The following SLC22A25 variants were observed in gnomAD, a reference collection of about 807,000 sequenced individuals.
SLC22A25 encodes the protein MGI:2442751, MGI:2385316, MGI:3042283, MGI:3645714, MGI:3605624, MGI:2442750.
SLC22A25 carries 44 observed loss-of-function variants against 45.9 expected under a neutral mutation model. The observed-to-expected ratio is 0.96, with a 90% CI of 0.75 to 1.23. The LOEUF (loss-of-function observed/expected upper bound fraction) is 1.23. SLC22A25 is among the 50% of genes most tolerant of loss of function. SLC22A25 has a pLI of 0.00. For synonymous variants in SLC22A25, 283 were observed against 238.6 expected (o/e 1.19, Z -1.72); for missense variants, 800 against 666.4 (o/e 1.20, Z -2.21).
Position 63,225,608 on chromosome 11 carries a change from T to C in SLC22A25, c.506+2853A>G, listed in dbSNP as rs78577430. On this transcript the variant is annotated intron_variant, in intron 5 of 11. Coordinates refer to ENST00000306494, the MANE Select transcript of SLC22A25 (RefSeq NM_199352.6). ...TTGGATTATTAATACCTTGAGGTAG[T>C]CTTCTTTGGGTTAAATCTGCTTGAT... 5.4e-3 allele frequency among the ~76,000 whole-genome samples: 824 copies of C among 152,282 alleles called. 9 individuals are homozygous for C. Among genetic ancestry groups the C allele is most frequent in the African/African-American group, 0.019 (783 of 41,566 alleles).
intron 9 of SLC22A25, among the ~76,000 whole-genome samples, chr11:63,175,842 C>T (rs574551102): frequency 0.017 from 2,515 of 151,464 alleles, 66 homozygotes; most frequent in African/African-American, 0.046. Context: ...TATATATACA[C>T]ATTTTAATAA....
Position 63,161,523 on chromosome 11 carries a change from T to G in SLC22A25, c.*2301A>C, listed in dbSNP as rs1388202023. ...AGGGATCCAGTGGGAGGTAACTGAA[T>G]CATGGGGGTGAGTGTTTCCCATGCT... On this transcript the variant is annotated 3_prime_UTR_variant, in exon 12 of 12. Transcript: ENST00000306494. Among the ~76,000 whole-genome samples, 2 of 152,162 alleles carry G rather than the reference T, an allele frequency of 1.3e-5. No individual in the cohort carries two copies. Among genetic ancestry groups the G allele is most frequent in the African/African-American group, 4.8e-5 (2 of 41,446 alleles).
chr11:63,182,002 A>G (rs1391408618), intron 8 of SLC22A25, among the ~76,000 whole-genome samples: 1 of 152,120 alleles, frequency 6.6e-6, no homozygotes, highest in Admixed American at 6.6e-5. Flanking sequence ...AGACTGATCA[A>G]CGGATTGCTA....
intron 7 of SLC22A25, among the ~76,000 whole-genome samples, chr11:63,191,498 TGAGGCAATG>T (rs2088813496): frequency 6.6e-6 from 1 of 152,082 alleles, no homozygotes; most frequent in African/African-American, 2.4e-5. Flanking sequence ...GCTTCCTGGG[TGAGGCAATG>T]CCTCACCCTG....
At chr11:63,222,732 C>T (rs2089879359) in intron 5 of SLC22A25, among the ~76,000 whole-genome samples, 1 of 151,942 alleles carries the variant, frequency 6.6e-6, no homozygotes, top group African/African-American at 2.4e-5. Flanking sequence ...ATTTTTTCCC[C>T]ATTTCATGTG....
intron 9 of SLC22A25, among the ~76,000 whole-genome samples, chr11:63,170,611 C>T (rs973910592): frequency 6.6e-6 from 1 of 152,040 alleles, no homozygotes; most frequent in African/African-American, 2.4e-5. Flanking sequence ...CAAGACTAAA[C>T]CAGGAAGAAG....
intron 9 of SLC22A25, among the ~76,000 whole-genome samples, chr11:63,171,965 C>G (rs1402255855): frequency 6.6e-6 from 1 of 151,766 alleles, no homozygotes. Flanking sequence ...ATACATAGAC[C>G]AATGGAGCGA....
chr11:63,204,893 T>C (rs964021571), intron 7 of SLC22A25, among the ~76,000 whole-genome samples: 2 of 152,164 alleles, frequency 1.3e-5, no homozygotes, highest in South Asian at 2.1e-4. Flanking sequence ...TACTCTAAAA[T>C]AGACCACATA....
At chr11:63,190,345 G>C (rs1167689518) in intron 7 of SLC22A25, among the ~76,000 whole-genome samples, 2 of 152,066 alleles carry the variant, frequency 1.3e-5, no homozygotes, top group Non-Finnish European at 2.9e-5. Flanking sequence ...ATCGGCTACT[G>C]AGGCTTGTGC....
chr11:63,198,063 G>T (rs1427268645), intron 7 of SLC22A25, among the ~76,000 whole-genome samples: 3 of 152,168 alleles, frequency 2.0e-5, no homozygotes, highest in Non-Finnish European at 4.4e-5. Flanking sequence ...TCATTAAAAA[G>T]TCAGGAAACC....
intron 3 of SLC22A25, among the ~76,000 whole-genome samples, 80 bp downstream of exon 3, chr11:63,237,801 A>G (rs2090188840): frequency 1.3e-5 from 2 of 152,192 alleles, no homozygotes; most frequent in African/African-American, 4.8e-5. Flanking sequence ...CCTGAAGACC[A>G]AGGTAGCCCC....
At chr11:63,197,161 G>A (rs928474164) in intron 7 of SLC22A25, among the ~76,000 whole-genome samples, 54 of 152,204 alleles carry the variant, frequency 3.5e-4, no homozygotes, top group Admixed American at 3.3e-3. Context: ...AATCAGTATC[G>A]TGAAGATGGC....
At chr11:63,210,521 G>A (rs192400786) in intron 7 of SLC22A25, among the ~76,000 whole-genome samples, 1 of 152,102 alleles carries the variant, frequency 6.6e-6, no homozygotes, top group East Asian at 1.9e-4. Context: ...TGGAGATGAT[G>A]GTCAATTGTC....
In SLC22A25 at chr11:63,223,266, AC is replaced by A. The variant is rs953384490; in HGVS notation, c.506+5194del. ...GTCATCAGGTCCCAGGCTTTTCCTT[AC>A]CTGGAGACTTTTTATTACAGCTTCA... On this transcript the variant is annotated intron_variant, in intron 5 of 11. Coordinates refer to ENST00000306494, the MANE Select transcript of SLC22A25 (RefSeq NM_199352.6). 3.9e-5 allele frequency among the ~76,000 whole-genome samples: 6 copies of A among 152,040 alleles called. No individual in the cohort carries two copies. In the South Asian group the frequency reaches 8.3e-4, roughly 21 times the overall value.
chr11:63,203,381 AC>A (rs1310743593), intron 7 of SLC22A25, among the ~76,000 whole-genome samples: 1 of 152,028 alleles, frequency 6.6e-6, no homozygotes, highest in Admixed American at 6.6e-5. Context: ...GCATGTTCTA[AC>A]CCAATGCAAG....
rs771110601 is a variant in SLC22A25, at chr11:63,229,656, G to A, written c.-4C>T. 1.9e-6 allele frequency: 3 copies of A among 1,597,592 alleles called. No homozygotes were observed. The highest frequency in any genetic ancestry group is 1.7e-6 in the Non-Finnish European group (2 of 1,166,606). ...CTAGGAGGTCCTGAAAGGCCATTGA[G>A]GCTGGACAAGTGATCCCCAAGAGGA... On this transcript the variant is annotated 5_prime_UTR_variant, in exon 4 of 12. Coordinates refer to ENST00000306494, the MANE Select transcript of SLC22A25 (RefSeq NM_199352.6).
At chr11:63,235,141 G>C (rs1472526100) in intron 3 of SLC22A25, among the ~76,000 whole-genome samples, 1 of 152,156 alleles carries the variant, frequency 6.6e-6, no homozygotes, top group African/African-American at 2.4e-5. Flanking sequence ...CTCTTCTTGA[G>C]GAGTATCTTT....
At position 63,159,644 on chromosome 11, in the gene SLC22A25, T is replaced by C. The variant is rs1219058706; in HGVS notation, c.*4180A>G. ...ATGGACTAATATAGTAAATTGGTAC[T>C]GATAGAGTGAAGTGCTTCTGTAAAG... is the stretch of plus-strand genomic sequence containing the variant. On this transcript the variant is annotated 3_prime_UTR_variant, in exon 12 of 12. Transcript: ENST00000306494. Among the ~76,000 whole-genome samples the C allele has an allele frequency of 6.6e-6, 1 of 152,194 alleles. No homozygotes were observed. The highest frequency in any genetic ancestry group is 6.5e-5 in the Admixed American group (1 of 15,268).
In SLC22A25 at chr11:63,216,794, A is replaced by C. The variant is rs559128477; in HGVS notation, c.830+520T>G. 2.6e-5 allele frequency among the ~76,000 whole-genome samples: 4 copies of C among 151,760 alleles called. No homozygotes were observed. In the East Asian group the frequency reaches 7.7e-4, roughly 29 times the overall value. Reference sequence around the variant, plus strand: ...GTTTGCCTATGTAACAAGCCTGCACATGTACCCCTGAACTTAAAATAAAAG... The same window carrying C: ...GTTTGCCTATGTAACAAGCCTGCACCTGTACCCCTGAACTTAAAATAAAAG... On this transcript the variant is annotated intron_variant, in intron 7 of 11. Transcript: ENST00000306494.
Sources: allele counts gnomAD v4.1 joint callset (sites outside exome capture counted in the v4.1 genomes callset), GRCh38; gene constraint gnomAD v4.1.1; transcripts MANE v1.5; gene names NCBI Gene and HGNC (gene_info 2026-07-23, HGNC 2026-07-21).